The following NSF variants were observed in gnomAD, a reference collection of about 807,000 sequenced individuals.
The protein encoded by NSF is N-ethylmaleimide sensitive factor, vesicle fusing ATPase.
NSF carries 14 observed loss-of-function variants against 50.3 expected under a neutral mutation model. The observed-to-expected ratio is 0.28, with a 90% CI of 0.18 to 0.44. The LOEUF is 0.44. Ranked by LOEUF, NSF falls within the 20% of genes least tolerant of loss-of-function variation. The pLI, the probability that NSF is intolerant of heterozygous loss-of-function variation, is 1.00. For missense variants in NSF, 218 were observed against 504.3 expected, an observed-to-expected ratio of 0.43 and a Z score of 5.44; for synonymous variants, 109 against 175.7, an observed-to-expected ratio of 0.62 and a Z score of 3.00.
chr17:46,697,067 A>AT lies in NSF; in HGVS notation c.1374+2409dup, dbSNP rs2058602106. 2.2e-5 allele frequency among the ~76,000 whole-genome samples: 3 copies of AT among 137,132 alleles called. No homozygotes were observed. In the South Asian group the frequency reaches 7.0e-4, roughly 32 times the overall value. The allele number at this position is 137,132 out of a possible 152,430, so 90.0% of individuals were successfully genotyped here. ...CCACAAAGCCTATTTTAGTGCTTTT[A>AT]TTTTAGGTACTATCTGCCACTTTAC... On this transcript the variant is annotated intron_variant, in intron 12 of 20. Transcript: ENST00000398238.
intron 15 of NSF, among the ~76,000 whole-genome samples, chr17:46,724,060 A>G (rs868109155): frequency 5.9e-5 from 9 of 152,132 alleles, no homozygotes; most frequent in Non-Finnish European, 1.3e-4. Flanking sequence ...TTTAATTCTT[A>G]TTGACCGTTC....
chr17:46,714,056 C>T, intron 15 of NSF, 70 bp downstream of exon 15: 2 of 1,459,260 alleles, frequency 1.4e-6, no homozygotes, highest in Non-Finnish European at 1.8e-6. Context: ...ATATATATGC[C>T]TTTGTACATG....
At chr17:46,724,761 A>G (rs2058869480) in intron 15 of NSF, among the ~76,000 whole-genome samples, 2 of 152,208 alleles carry the variant, frequency 1.3e-5, no homozygotes, top group Admixed American at 1.3e-4. Context: ...ATAAGAATTC[A>G]AAAATATTTG....
Position 46,755,881 on chromosome 17 carries a change from T to A in NSF, c.*58T>A. On this transcript the variant is annotated 3_prime_UTR_variant, in exon 21 of 21. Transcript: ENST00000398238. The stretch of plus-strand genomic sequence containing the variant: ...GGAAGTGACCAAGGTGAAGATGGCC[T>A]AGGATCTTCACTGTCTTACTCAAGA... 1 of 1,538,064 alleles carries A rather than the reference T, an allele frequency of 6.5e-7. No homozygotes were observed. Among genetic ancestry groups the A allele is most frequent in the Non-Finnish European group, 8.9e-7 (1 of 1,117,780 alleles).
chr17:46,736,994 T>C (rs1348506373), intron 17 of NSF, among the ~76,000 whole-genome samples: 1 of 152,244 alleles, frequency 6.6e-6, no homozygotes, highest in Admixed American at 6.5e-5. Flanking sequence ...TTAAGCTTCA[T>C]TGAAAGGAGA....
At chr17:46,754,177 G>T (rs2059211085) in intron 19 of NSF, among the ~76,000 whole-genome samples, 2 of 128,604 alleles carry the variant, frequency 1.6e-5, no homozygotes, top group South Asian at 2.5e-4. Flanking sequence ...TTAAGAACTT[G>T]ACAATTGATT....
At chr17:46,732,417 T>C (rs2058959333) in intron 17 of NSF, among the ~76,000 whole-genome samples, 1 of 151,854 alleles carries the variant, frequency 6.6e-6, no homozygotes, top group South Asian at 2.1e-4. Flanking sequence ...CCTCCTTTTT[T>C]CCCTTTGTGA....
chr17:46,722,744 G>A (rs199454), intron 15 of NSF, among the ~76,000 whole-genome samples: 102,373 of 152,070 alleles, frequency 0.67, 35,652 homozygotes, highest in South Asian at 0.82. Context: ...GAAAATGTAC[G>A]TGTGAGAAGA....
intron 17 of NSF, among the ~76,000 whole-genome samples, chr17:46,740,597 G>A (rs138415917): frequency 1.3e-4 from 20 of 152,112 alleles, no homozygotes; most frequent in African/African-American, 4.8e-4. Context: ...GAGAGAGCAT[G>A]CACAGAACCC....
intron 15 of NSF, among the ~76,000 whole-genome samples, chr17:46,726,307 TA>T (rs1488636868): frequency 6.6e-6 from 1 of 152,202 alleles, no homozygotes; most frequent in Non-Finnish European, 1.5e-5. Context: ...GTCAGTTGAT[TA>T]ATGATCAGCT....
intron 18 of NSF, among the ~76,000 whole-genome samples, chr17:46,750,780 G>A (rs1183040090): frequency 6.6e-6 from 1 of 151,844 alleles, no homozygotes; most frequent in Non-Finnish European, 1.5e-5. Flanking sequence ...ACCATTCATA[G>A]TGGCTTTTAG....
intron 15 of NSF, chr17:46,722,153 G>A (rs530547231): frequency 1.9e-6 from 3 of 1,611,756 alleles, no homozygotes; most frequent in East Asian, 2.2e-5. Context: ...CGATCTTGGC[G>A]CTCGAACTGA....
At chr17:46,722,068 G>A (rs1362230983) in intron 15 of NSF, 1 of 1,610,356 alleles carries the variant, frequency 6.2e-7, no homozygotes, top group African/African-American at 1.3e-5. Context: ...TGAGGTCCGA[G>A]TTCATCTCCA....
intron 17 of NSF, among the ~76,000 whole-genome samples, chr17:46,746,281 C>G (rs1905715539): frequency 6.6e-6 from 1 of 152,176 alleles, no homozygotes; most frequent in South Asian, 2.1e-4. Context: ...TATGCGCAGT[C>G]ATCTGTTAAG....
intron 17 of NSF, among the ~76,000 whole-genome samples, chr17:46,743,704 G>T (rs975481588): frequency 2.6e-5 from 4 of 152,150 alleles, no homozygotes; most frequent in African/African-American, 9.7e-5. Flanking sequence ...TCTTACAACT[G>T]GCCTGTCCTT....
intron 14 of NSF, among the ~76,000 whole-genome samples, chr17:46,711,459 T>C (rs1045935830): frequency 9.2e-5 from 14 of 152,200 alleles, no homozygotes; most frequent in Admixed American, 9.2e-4. Flanking sequence ...TTGCTGGGGA[T>C]ACAAAGACAT....
intron 1 of NSF, among the ~76,000 whole-genome samples, chr17:46,605,448 C>T (rs1424961310): frequency 8.5e-6 from 1 of 118,062 alleles, no homozygotes; most frequent in African/African-American, 3.2e-5. Context: ...AACTCCATCT[C>T]AAAAAAAAAA....
Position 46,722,046 on chromosome 17 carries a change from T to A in NSF, c.1762-4503T>A. ...TTGGCTGCCGTAATATTCAGCTCCC[T>A]GAGCTGAGCCTTGAGGTCCGAGTTC... On this transcript the variant is annotated intron_variant, in intron 15 of 20. Coordinates refer to ENST00000398238, the MANE Select transcript of NSF (RefSeq NM_006178.4). The A allele has an allele frequency of 6.2e-6, 10 of 1,602,712 alleles. No individual in the cohort carries two copies. The South Asian group carries it at 1.1e-4, about 18-fold the overall frequency.
At chr17:46,726,156 A>G (rs1285174651) in intron 15 of NSF, among the ~76,000 whole-genome samples, 2 of 152,246 alleles carry the variant, frequency 1.3e-5, no homozygotes, top group Non-Finnish European at 2.9e-5. Flanking sequence ...TAACAGAGCC[A>G]CAATTCTTAT....
Sources: gnomAD v4.1 joint callset for allele counts (sites outside exome capture counted in the v4.1 genomes callset) on GRCh38, gnomAD v4.1.1 for gene constraint, MANE v1.5 for transcripts, NCBI Gene and HGNC (gene_info 2026-07-23, HGNC 2026-07-21) for gene names.